Variants in GSK3B observed in about 807,000 individuals in gnomAD.
GSK3B encodes the protein glycogen synthase kinase 3 beta.
GSK3B carries 15 observed loss-of-function variants against 56.4 expected under a neutral mutation model. The ratio of observed to expected loss-of-function variants is 0.27; its 90% confidence interval spans 0.18 to 0.41. The LOEUF is 0.41. GSK3B is among the 10% of genes least tolerant of loss of function. The probability of loss-of-function intolerance (pLI) is 1.00; values close to 1 mark genes in which losing one functional copy is unlikely to be tolerated. For missense variants in GSK3B, 300 were observed against 513.4 expected (o/e 0.58, Z 4.02); for synonymous variants, 181 against 188.9 (o/e 0.96, Z 0.34).
chr3:119,852,040 C>T (rs150634654), intron 9 of GSK3B, among the ~76,000 whole-genome samples: 236 of 152,218 alleles, frequency 1.6e-3, no homozygotes, highest in Middle Eastern at 3.4e-3. Context: ...TCCAAAGTGC[C>T]CAGGAAATTC....
intron 1 of GSK3B, among the ~76,000 whole-genome samples, chr3:120,026,446 C>G (rs1385911215): frequency 6.7e-6 from 1 of 149,980 alleles, no homozygotes; most frequent in African/African-American, 2.5e-5. Context: ...GCAAGGGGGT[C>G]TGCAAATCCA....
At chr3:120,087,684 C>A (rs945748152) in intron 1 of GSK3B, among the ~76,000 whole-genome samples, 1 of 152,106 alleles carries the variant, frequency 6.6e-6, no homozygotes, top group Admixed American at 6.6e-5. Context: ...GTTGGTTTGA[C>A]AAAACTAGTT....
chr3:120,021,518 A>G (rs553132883), intron 1 of GSK3B, among the ~76,000 whole-genome samples: 90 of 147,890 alleles, frequency 6.1e-4, no homozygotes, highest in Non-Finnish European at 7.1e-4. Flanking sequence ...TCCATCTCCA[A>G]AAAAAAAAAA....
intron 1 of GSK3B, among the ~76,000 whole-genome samples, chr3:120,063,803 C>T (rs376036645): frequency 1.3e-5 from 2 of 149,190 alleles, no homozygotes; most frequent in Non-Finnish European, 1.5e-5. Context: ...GCCTGGTCAA[C>T]GTGGCGAAAC....
chr3:119,961,242 T>C (rs932673089), intron 2 of GSK3B, among the ~76,000 whole-genome samples: 3 of 152,080 alleles, frequency 2.0e-5, no homozygotes, highest in Non-Finnish European at 4.4e-5. Flanking sequence ...GGCTTGAAAA[T>C]ACCATTCTTC....
intron 7 of GSK3B, among the ~76,000 whole-genome samples, chr3:119,878,211 ATTTGCAAAATATAT>A (rs2056337007): frequency 6.6e-6 from 1 of 152,156 alleles, no homozygotes; most frequent in African/African-American, 2.4e-5. Flanking sequence ...TGCAGAATAT[ATTTGCAAAATATAT>A]TCTGCAAAGG....
intron 8 of GSK3B, among the ~76,000 whole-genome samples, chr3:119,867,826 T>G (rs1483146486): frequency 6.6e-6 from 1 of 152,176 alleles, no homozygotes; most frequent in Admixed American, 6.5e-5. Flanking sequence ...CGGATTACTT[T>G]TAGTCTGCAG....
At chr3:119,972,675 T>C (rs956496895) in intron 2 of GSK3B, among the ~76,000 whole-genome samples, 7 of 152,138 alleles carry the variant, frequency 4.6e-5, no homozygotes, top group African/African-American at 1.4e-4. Flanking sequence ...GACCTCGTGA[T>C]CCACCTGCCT....
chr3:119,988,017 T>C (rs764267733), intron 2 of GSK3B, among the ~76,000 whole-genome samples: 2 of 152,212 alleles, frequency 1.3e-5, no homozygotes, highest in Non-Finnish European at 1.5e-5. Flanking sequence ...TTGTCATCCA[T>C]AAACAATTGT....
chr3:119,940,149 A>G (rs2057034227), intron 3 of GSK3B, among the ~76,000 whole-genome samples: 1 of 151,360 alleles, frequency 6.6e-6, no homozygotes, highest in South Asian at 2.1e-4. Context: ...CATGGTGTAT[A>G]TAACACAAGT....
chr3:120,027,875 A>G (rs185270741), intron 1 of GSK3B, among the ~76,000 whole-genome samples: 18 of 152,350 alleles, frequency 1.2e-4, no homozygotes, highest in Admixed American at 1.0e-3. Flanking sequence ...AAAATGTTTT[A>G]AAGATAAATT....
At chr3:119,894,293 T>C (rs931377714) in intron 7 of GSK3B, among the ~76,000 whole-genome samples, 1 of 152,150 alleles carries the variant, frequency 6.6e-6, no homozygotes, top group African/African-American at 2.4e-5. Context: ...ACAAGCTGAA[T>C]TGCTGGGTCA....
At chr3:119,925,623 A>AT (rs935699810) in intron 3 of GSK3B, among the ~76,000 whole-genome samples, 5 of 151,786 alleles carry the variant, frequency 3.3e-5, no homozygotes, top group Non-Finnish European at 5.9e-5. Flanking sequence ...TTGCTCCAGA[A>AT]TTTTTTTTGT....
rs554958706 is a variant in GSK3B at position 119,861,515 on chromosome 3, A to C, written c.1096+1904T>G. On this transcript the variant is annotated intron_variant, in intron 9 of 10. Coordinates refer to ENST00000264235, the MANE Select transcript of GSK3B (RefSeq NM_001146156.2). ...GACAGAGTGAGACTCCGTCTCAAAAAAAAAAAAAACAAAACAAACAAACAA... is the reference window on the plus strand; with the variant it reads ...GACAGAGTGAGACTCCGTCTCAAAACAAAAAAAAACAAAACAAACAAACAA... Among the ~76,000 whole-genome samples the C allele has an allele frequency of 1.1e-4, 16 of 151,986 alleles. 1 individual carries two copies. The South Asian group carries it at 1.7e-3, about 16-fold the overall frequency.
chr3:119,998,040 C>T (rs548627503), intron 2 of GSK3B, among the ~76,000 whole-genome samples: 1 of 150,750 alleles, frequency 6.6e-6, no homozygotes, highest in African/African-American at 2.4e-5. Context: ...CAGCATTATA[C>T]CAAAGCCCAA....
At chr3:119,951,379 C>A (rs2057155021) in intron 2 of GSK3B, among the ~76,000 whole-genome samples, 3 of 152,204 alleles carry the variant, frequency 2.0e-5, no homozygotes, top group African/African-American at 7.2e-5. Flanking sequence ...CAAGACCAGC[C>A]TGACCAGCAT....
chr3:119,970,790 A>C (rs1033564049), intron 2 of GSK3B, among the ~76,000 whole-genome samples: 40 of 144,826 alleles, frequency 2.8e-4, no homozygotes, highest in African/African-American at 8.9e-4. Context: ...CCGTTTCAAA[A>C]AAACAAACAA....
chr3:120,042,356 T>G (rs997925408), intron 1 of GSK3B, among the ~76,000 whole-genome samples: 4 of 152,192 alleles, frequency 2.6e-5, no homozygotes, highest in African/African-American at 9.7e-5. Flanking sequence ...ATCAAAGGAC[T>G]CATTAAGGAC....
chr3:120,087,518 C>T (rs1009718137), intron 1 of GSK3B, among the ~76,000 whole-genome samples: 24 of 150,138 alleles, frequency 1.6e-4, no homozygotes, highest in African/African-American at 5.2e-4. Flanking sequence ...GGAAACAGTG[C>T]GAGACTCCAT....
Sources: allele counts gnomAD v4.1 joint callset (sites outside exome capture counted in the v4.1 genomes callset), GRCh38; gene constraint gnomAD v4.1.1; transcripts MANE v1.5; gene names NCBI Gene and HGNC (gene_info 2026-07-23, HGNC 2026-07-21).